ERI3: variants seen among roughly 807,000 people sequenced by gnomAD.
The protein encoded by ERI3 is ERI1 exoribonuclease 3.
A neutral mutation model predicts 44.4 loss-of-function variants in ERI3; 18 were observed. The ratio of observed to expected loss-of-function variants is 0.41; its 90% CI spans 0.28 to 0.60. The LOEUF (loss-of-function observed/expected upper bound fraction) is 0.60. Ranked by LOEUF, ERI3 falls within the 20% of genes least tolerant of loss-of-function variation. The probability of loss-of-function intolerance (pLI) is 0.36; values close to 1 mark genes in which losing one functional copy is unlikely to be tolerated. For synonymous variants in ERI3, 183 were observed against 164.8 expected (o/e 1.11, Z -0.84); for missense variants, 294 against 435.5 (o/e 0.68, Z 2.89).
intron 3 of ERI3, among the ~76,000 whole-genome samples, chr1:44,328,966 G>A (rs533927604): frequency 6.6e-6 from 1 of 152,204 alleles, no homozygotes; most frequent in Non-Finnish European, 1.5e-5. Flanking sequence ...ACTTCACAGA[G>A]TAGACTGGCA....
intron 6 of ERI3, among the ~76,000 whole-genome samples, chr1:44,296,293 G>C (rs1367770261): frequency 6.6e-6 from 1 of 152,138 alleles, no homozygotes; most frequent in Non-Finnish European, 1.5e-5. Flanking sequence ...CCCTGAGGTC[G>C]CTGCATCTGA....
At chr1:44,251,648 C>T (rs1178222702) in intron 7 of ERI3, among the ~76,000 whole-genome samples, 1 of 152,108 alleles carries the variant, frequency 6.6e-6, no homozygotes, top group Non-Finnish European at 1.5e-5. Flanking sequence ...TGACAGGTGG[C>T]AGGGGAGTAC....
intron 6 of ERI3, among the ~76,000 whole-genome samples, chr1:44,308,055 G>C (rs325143): frequency 6.6e-6 from 1 of 151,904 alleles, no homozygotes; most frequent in Non-Finnish European, 1.5e-5. Context: ...CCCAGCAATC[G>C]GAAGGGCTGT....
At chr1:44,310,743 C>T (rs925962582) in intron 5 of ERI3, among the ~76,000 whole-genome samples, 1 of 152,172 alleles carries the variant, frequency 6.6e-6, no homozygotes, top group African/African-American at 2.4e-5. Flanking sequence ...TACCTAGTTC[C>T]GTGGCTATAG....
At chr1:44,275,381 C>T (rs994765647) in intron 7 of ERI3, among the ~76,000 whole-genome samples, 2 of 152,160 alleles carry the variant, frequency 1.3e-5, no homozygotes, top group Non-Finnish European at 2.9e-5. Context: ...CTGCATCATC[C>T]CGACCTGCTG....
At chr1:44,348,789 T>C (rs1400269783) in intron 2 of ERI3, among the ~76,000 whole-genome samples, 2 of 152,164 alleles carry the variant, frequency 1.3e-5, no homozygotes, top group Non-Finnish European at 2.9e-5. Flanking sequence ...ATCACAGCAA[T>C]AAACTAACAC....
At chr1:44,340,070 GGAA>G (rs1370524971) in intron 2 of ERI3, among the ~76,000 whole-genome samples, 1 of 151,428 alleles carries the variant, frequency 6.6e-6, no homozygotes, top group African/African-American at 2.4e-5. Flanking sequence ...TTTTAAATAG[GGAA>G]GAAAAAGAAA....
At chr1:44,284,281 C>G (rs1244884259) in intron 7 of ERI3, among the ~76,000 whole-genome samples, 1 of 152,198 alleles carries the variant, frequency 6.6e-6, no homozygotes, top group Non-Finnish European at 1.5e-5. Flanking sequence ...TACATAAGTT[C>G]CAGTCTCTGC....
intron 7 of ERI3, chr1:44,284,161 G>A (rs963801724): frequency 1.8e-5 from 8 of 439,882 alleles, no homozygotes; most frequent in African/African-American, 1.4e-4. Flanking sequence ...ACTCTGCTAG[G>A]AAAGTACAGT....
chr1:44,284,317 C>G (rs773910507), intron 7 of ERI3, among the ~76,000 whole-genome samples: 27 of 152,158 alleles, frequency 1.8e-4, no homozygotes, highest in Non-Finnish European at 3.5e-4. Context: ...GAATTGGACT[C>G]TAGTTTCCAT....
intron 7 of ERI3, among the ~76,000 whole-genome samples, chr1:44,274,643 ACAG>A (rs1248828683): frequency 6.6e-6 from 1 of 152,148 alleles, no homozygotes; most frequent in African/African-American, 2.4e-5. Context: ...GCTTACCCCA[ACAG>A]CAGATGTTGC....
rs562483722 is a variant in ERI3 at position 44,267,603 on chromosome 1, CG to C, written c.831+17231del. 2.6e-4 allele frequency among the ~76,000 whole-genome samples: 40 copies of C among 152,342 alleles called. 1 individual carries two copies. In the South Asian group the frequency reaches 6.2e-3, roughly 24 times the overall value. ...GCAGCTTGCATAGTTAAACAACTGC[CG>C]GGTAATTAGGCACAGCAAACACACC... On this transcript the variant is annotated intron_variant, in intron 7 of 8. Transcript: ENST00000372257.
intron 2 of ERI3, among the ~76,000 whole-genome samples, chr1:44,341,320 G>A (rs1646648431): frequency 6.6e-6 from 1 of 152,210 alleles, no homozygotes; most frequent in South Asian, 2.1e-4. Context: ...ACTAAGACCA[G>A]TGCCTGGCAT....
chr1:44,310,963 G>GCGCGCGCGCGCACACA (rs1373873768), intron 5 of ERI3, among the ~76,000 whole-genome samples: 2 of 123,200 alleles, frequency 1.6e-5, no homozygotes, highest in Non-Finnish European at 3.4e-5. Flanking sequence ...GCGCGCGCGC[G>GCGCGCGCGCGCACACA]CACACACACA....
At chr1:44,244,868 T>C (rs189005067) in intron 8 of ERI3, among the ~76,000 whole-genome samples, 1 of 152,108 alleles carries the variant, frequency 6.6e-6, no homozygotes, top group African/African-American at 2.4e-5. Context: ...ACACCACCCA[T>C]GCCACACCCC....
Position 44,338,932 on chromosome 1 carries a change from TAG to T in ERI3, c.489+111_489+112del, listed in dbSNP as rs1646590346. 2.4e-6 allele frequency: 3 copies of T among 1,272,136 alleles called. No homozygotes were observed. The Admixed American group carries it at 6.2e-5, about 26-fold the overall frequency. 78.8% of individuals were successfully genotyped at this position (1,272,136 alleles called of 1,614,324 possible). A position where few individuals can be genotyped will look rare whatever the true frequency, so the allele number is the denominator to read the frequency against. On this transcript the variant is annotated intron_variant, in intron 3 of 8. Transcript: ENST00000372257. ...TTCCTAGACAGGAACTCTAAATGAG[TAG>T]CTAAAAGACAGGAAGGCATGAGAAA... is the stretch of plus-strand genomic sequence containing the variant.
At chr1:44,341,491 G>A (rs1397935717) in intron 2 of ERI3, among the ~76,000 whole-genome samples, 5 of 152,196 alleles carry the variant, frequency 3.3e-5, no homozygotes, top group Admixed American at 3.3e-4. Flanking sequence ...ACCCTAAAAT[G>A]CTCCAGACCT....
In ERI3 at chr1:44,313,311, T is replaced by C. The variant is rs1646013653; in HGVS notation, c.607-83A>G. 4 of 1,318,818 alleles carry C rather than the reference T, an allele frequency of 3.0e-6. No individual in the cohort carries two copies. In the African/African-American group the frequency reaches 4.4e-5, roughly 14 times the overall value. 81.7% of individuals were successfully genotyped at this position (1,318,818 alleles called of 1,614,324 possible). A position where few individuals can be genotyped will look rare whatever the true frequency, so the allele number is the denominator to read the frequency against. On this transcript the variant is annotated intron_variant, in intron 4 of 8. Transcript: ENST00000372257. ...TGAACAGGACCCCTTCCTTTCTGTT[T>C]TTCTCCTTCTGTTGTAAAGGGCTCT...
chr1:44,233,616 T>G (rs1272017405), intron 8 of ERI3, among the ~76,000 whole-genome samples: 1 of 152,076 alleles, frequency 6.6e-6, no homozygotes, highest in East Asian at 1.9e-4. Context: ...TCCAGCTGGG[T>G]AGGGTCCAAC....
Sources: allele counts gnomAD v4.1 joint callset (sites outside exome capture counted in the v4.1 genomes callset), GRCh38; gene constraint gnomAD v4.1.1; transcripts MANE v1.5; gene names NCBI Gene and HGNC (gene_info 2026-07-23, HGNC 2026-07-21).